DNAH6: variants seen among roughly 807,000 people sequenced by gnomAD.
The protein encoded by DNAH6 is dynein axonemal heavy chain 6, also known as axonemal beta dynein heavy chain 6.
Under a neutral mutation model 491.4 loss-of-function variants are expected in DNAH6, and 340 were observed. The ratio of observed to expected loss-of-function variants is 0.69; its 90% CI spans 0.63 to 0.76. The LOEUF is 0.76. Among genes scored for constraint, DNAH6 ranks in the 30% least tolerant of loss-of-function variants. DNAH6 has a pLI of 0.00. For missense variants in DNAH6, 4,443 were observed against 4,972.2 expected, an observed-to-expected ratio of 0.89 and a Z score of 3.20; for synonymous variants, 1,603 against 1,686.1, an observed-to-expected ratio of 0.95 and a Z score of 1.21.
At chr2:84,593,459 C>T (rs1684293991) in intron 16 of DNAH6, among the ~76,000 whole-genome samples, 1 of 152,180 alleles carries the variant, frequency 6.6e-6, no homozygotes, top group African/African-American at 2.4e-5. Context: ...TTCTTGCACC[C>T]TTCCTCTCCA....
intron 15 of DNAH6, among the ~76,000 whole-genome samples, chr2:84,585,269 C>T (rs1683424994): frequency 1.3e-5 from 2 of 152,130 alleles, no homozygotes; most frequent in South Asian, 4.2e-4. Context: ...TTATGATACC[C>T]TTAGTGTCCC....
chr2:84,721,149 T>C (rs1334061732), intron 59 of DNAH6, among the ~76,000 whole-genome samples: 1 of 152,220 alleles, frequency 6.6e-6, no homozygotes, highest in Non-Finnish European at 1.5e-5. Context: ...CAATCCACTT[T>C]CCTTCTCTTT....
chr2:84,565,277 A>G (rs1193582514), intron 11 of DNAH6, among the ~76,000 whole-genome samples: 2 of 151,608 alleles, frequency 1.3e-5, no homozygotes, highest in Admixed American at 1.3e-4. Context: ...AACTGGTACC[A>G]GCTCTTTGTA....
intron 11 of DNAH6, among the ~76,000 whole-genome samples, chr2:84,562,003 TA>T (rs1303522874): frequency 2.6e-5 from 4 of 151,820 alleles, no homozygotes; most frequent in Non-Finnish European, 4.4e-5. Context: ...TATATAAGCC[TA>T]AAAAAAGATA....
At chr2:84,606,708 A>C (rs1685807474) in intron 20 of DNAH6, among the ~76,000 whole-genome samples, 1 of 152,118 alleles carries the variant, frequency 6.6e-6, no homozygotes, top group Admixed American at 6.5e-5. Flanking sequence ...AAAGAGTGTC[A>C]AACCAAACAA....
Position 84,605,604 on chromosome 2 carries a change from G to A in DNAH6, c.3174+12G>A, listed in dbSNP as rs1685684297. The stretch of plus-strand genomic sequence containing the variant: ...CAGATGACATACAGGTGGGTAACTG[G>A]GTTATTGAAAACTTATGGTAAAGAT... On this transcript the variant is annotated intron_variant, in intron 20 of 76. Coordinates refer to ENST00000389394, the MANE Select transcript of DNAH6 (RefSeq NM_001370.2). 2 of 1,534,478 alleles carry A rather than the reference G, an allele frequency of 1.3e-6. No individual in the cohort carries two copies. The highest frequency in any genetic ancestry group is 1.8e-6 in the Non-Finnish European group (2 of 1,132,996).
At chr2:84,656,871 T>G (rs1163750312) in intron 35 of DNAH6, among the ~76,000 whole-genome samples, 1 of 152,010 alleles carries the variant, frequency 6.6e-6, no homozygotes, top group Non-Finnish European at 1.5e-5. Context: ...GTTTTTTCCC[T>G]CATGGATGGT....
chr2:84,480,998 A>T, the DNAH6 span, among the ~76,000 whole-genome samples: 1 of 151,934 alleles, frequency 6.6e-6, no homozygotes, highest in East Asian at 1.9e-4. Context: ...GTGAGGGCTT[A>T]TCTCACTCCA....
At chr2:84,676,167 ATGTATGG>A (rs1693218094) in intron 40 of DNAH6, among the ~76,000 whole-genome samples, 1 of 152,230 alleles carries the variant, frequency 6.6e-6, no homozygotes, top group African/African-American at 2.4e-5. Flanking sequence ...CTTTGCAGAC[ATGTATGG>A]AGTGGCAAAA....
intron 3 of DNAH6, among the ~76,000 whole-genome samples, chr2:84,526,225 GA>G (rs1041946110): frequency 6.6e-6 from 1 of 150,910 alleles, no homozygotes; most frequent in African/African-American, 2.4e-5. Context: ...CTAGATAACT[GA>G]AGAAAAAAAA....
At chr2:84,705,818 A>G (rs1696375928) in intron 52 of DNAH6, 71 bp downstream of exon 52, 1 of 1,465,570 alleles carries the variant, frequency 6.8e-7, no homozygotes, top group Non-Finnish European at 9.1e-7. Flanking sequence ...AGTTCTCTGT[A>G]TAATGTTACT....
intron 33 of DNAH6, among the ~76,000 whole-genome samples, chr2:84,642,983 G>A (rs1573334310): frequency 6.6e-6 from 1 of 152,034 alleles, no homozygotes; most frequent in Non-Finnish European, 1.5e-5. Flanking sequence ...TCTTCCTTTA[G>A]GTAGATCAGA....
At chr2:84,682,405 A>C (rs1281927501) in intron 42 of DNAH6, among the ~76,000 whole-genome samples, 1 of 152,190 alleles carries the variant, frequency 6.6e-6, no homozygotes, top group Non-Finnish European at 1.5e-5. Flanking sequence ...CTCGGTCTTT[A>C]GATCTACGCA....
intron 16 of DNAH6, among the ~76,000 whole-genome samples, chr2:84,593,321 T>C (rs1254740402): frequency 6.6e-6 from 1 of 152,166 alleles, no homozygotes; most frequent in Non-Finnish European, 1.5e-5. Flanking sequence ...CAACTCTTAA[T>C]AGAAGACAAG....
intron 71 of DNAH6, among the ~76,000 whole-genome samples, chr2:84,808,048 A>G (rs1038762314): frequency 6.6e-6 from 1 of 152,168 alleles, no homozygotes; most frequent in Non-Finnish European, 1.5e-5. Flanking sequence ...GGCTGGGAAG[A>G]TGAAAATACC....
At chr2:84,777,726 C>G (rs1328565634) in intron 64 of DNAH6, 11 of 835,206 alleles carry the variant, frequency 1.3e-5, no homozygotes, top group Admixed American at 1.7e-5. Context: ...AGCCCTTCCC[C>G]CATCAGGTAA....
intron 23 of DNAH6, among the ~76,000 whole-genome samples, chr2:84,617,296 ACATCATGTAAAATGGGGTATC>A (rs1220401798): frequency 4.6e-5 from 7 of 152,082 alleles, no homozygotes; most frequent in African/African-American, 7.2e-5. Context: ...CATAATAATC[ACATCATGTAAAATGGGGTATC>A]CATCCCCTCA....
At position 84,707,025 on chromosome 2, in the gene DNAH6, T is replaced by C. The variant is rs1258050712; in HGVS notation, c.8851+6T>C. The C allele has an allele frequency of 1.3e-6, 2 of 1,505,008 alleles. No homozygotes were observed. The highest frequency in any genetic ancestry group is 1.8e-6 in the Non-Finnish European group (2 of 1,135,192). The allele number at this position is 1,505,008 out of a possible 1,614,324, so 93.2% of individuals were successfully genotyped here. ...AAATGAAAAAGAAAGCCTGGGTAAGTAACTCATAAAATTTACATTGGCCAG... is the reference window on the plus strand; with the variant it reads ...AAATGAAAAAGAAAGCCTGGGTAAGCAACTCATAAAATTTACATTGGCCAG... On this transcript the variant is annotated splice_donor_region_variant and intron_variant, in intron 53 of 76. Transcript: ENST00000389394.
Position 84,616,898 on chromosome 2 carries a change from C to A in DNAH6, c.3488C>A (p.Thr1163Asn). ...RAATQPGLLE[T>N]FQNNNALLDQ... ...TTTTAATGAACAGGACTTCTGGAAACTTTTCAAAACAATAATGCATTACTT... is the reference window on the plus strand; with the variant it reads ...TTTTAATGAACAGGACTTCTGGAAAATTTTCAAAACAATAATGCATTACTT... The change falls in exon 23 of 77, where the codon ACT becomes AAT. Residue 1163 changes from threonine to asparagine, a missense_variant. Thr to Asn is a moderately conservative substitution (Grantham distance 65). Coordinates refer to ENST00000389394, the MANE Select transcript of DNAH6 (RefSeq NM_001370.2). 6.8e-7 allele frequency: 1 copy of A among 1,471,062 alleles called. No homozygotes were observed. The highest frequency in any genetic ancestry group is 9.0e-7 in the Non-Finnish European group (1 of 1,115,350). The allele number at this position is 1,471,062 out of a possible 1,614,324, so 91.1% of individuals were successfully genotyped here. A position where few individuals can be genotyped will look rare whatever the true frequency, so the allele number is the denominator to read the frequency against.
Sources: allele counts gnomAD v4.1 joint callset (sites outside exome capture counted in the v4.1 genomes callset), GRCh38; gene constraint gnomAD v4.1.1; transcripts MANE v1.5; gene names NCBI Gene and HGNC (gene_info 2026-07-23, HGNC 2026-07-21).